Variants in MOK observed in about 807,000 individuals in gnomAD.
MOK encodes MAPK/MAK/MRK overlapping kinase.
In MOK, 59 loss-of-function variants were observed where a neutral mutation model predicts 54.2. The ratio of observed to expected loss-of-function variants is 1.09; its 90% CI spans 0.88 to 1.35. The LOEUF (loss-of-function observed/expected upper bound fraction) is 1.35. Among genes scored for constraint, MOK ranks in the 40% most tolerant of loss-of-function variants. MOK has a pLI of 0.00. For missense variants in MOK, 517 were observed against 526.2 expected (o/e 0.98, Z 0.17); for synonymous variants, 210 against 202.7 (o/e 1.04, Z -0.31).
At chr14:102,216,807 G>A in the MOK span, among the ~76,000 whole-genome samples, 1 of 152,154 alleles carries the variant, frequency 6.6e-6, no homozygotes, top group Non-Finnish European at 1.5e-5. Context: ...GCGGGCGCCT[G>A]TAGTCCCAGC....
intron 1 of MOK, among the ~76,000 whole-genome samples, chr14:102,300,776 T>C (rs1205491603): frequency 6.6e-6 from 1 of 152,208 alleles, no homozygotes; most frequent in African/African-American, 2.4e-5. Context: ...AACAATGCTA[T>C]GTGATTGGTA....
At position 102,232,769 on chromosome 14, in the gene MOK, ACT is replaced by A; in HGVS notation, c.693-63_693-62del. 1 of 1,458,338 alleles carries A rather than the reference ACT, an allele frequency of 6.9e-7. No individual in the cohort carries two copies. Among genetic ancestry groups the A allele is most frequent in the Non-Finnish European group, 9.5e-7 (1 of 1,056,402 alleles). 90.3% of individuals were successfully genotyped at this position (1,458,338 alleles called of 1,614,324 possible). A position where few individuals can be genotyped will look rare whatever the true frequency, so the allele number is the denominator to read the frequency against. Reference sequence around the variant, plus strand: ...CTGTCACTGAGCGCACCGGTGGTCCACTGTCACAACTAAGGGCCCTGTGTGGT... The same window carrying A: ...CTGTCACTGAGCGCACCGGTGGTCCAGTCACAACTAAGGGCCCTGTGTGGT... On this transcript the variant is annotated intron_variant, in intron 8 of 11. Coordinates refer to ENST00000361847, the MANE Select transcript of MOK (RefSeq NM_014226.3). This position sits in a 1 kb window ranked among gnomAD's most constrained non-coding sequence, Gnocchi z 5.1.
At position 102,232,738 on chromosome 14, in the gene MOK, G is replaced by A. The variant is rs758527978; in HGVS notation, c.693-30C>T. On this transcript the variant is annotated intron_variant, in intron 8 of 11. Transcript: ENST00000361847. The surrounding 1 kb of genome is among the most constrained non-coding windows in gnomAD (Gnocchi z 5.1). ...ATTAAAAACCCAATGATAATAAATGGTCATGCTGTCACTGAGCGCACCGGT... is the reference window on the plus strand; with the variant it reads ...ATTAAAAACCCAATGATAATAAATGATCATGCTGTCACTGAGCGCACCGGT... 20 of 1,591,400 alleles carry A rather than the reference G, an allele frequency of 1.3e-5. No homozygotes were observed. The highest frequency in any genetic ancestry group is 1.7e-5 in the Admixed American group (1 of 59,260).
At chr14:102,250,664 C>G in intron 7 of MOK, 148 bp downstream of exon 7, 1 of 823,828 alleles carries the variant, frequency 1.2e-6, no homozygotes, top group Admixed American at 3.0e-5. Context: ...AAATGAAAGC[C>G]TAGTCAATTT....
At position 102,274,117 on chromosome 14, in the gene MOK, C is replaced by T. The variant is rs866646677; in HGVS notation, c.123-8205G>A. Among the ~76,000 whole-genome samples the T allele has an allele frequency of 9.2e-5, 14 of 151,932 alleles. No homozygotes were observed. In the Middle Eastern group the frequency reaches 0.01, roughly 111 times the overall value. Reference sequence around the variant, plus strand: ...GGACTATAGGCGCCTGCCACCACACCCGGCTAATTTTCTGTATTTTTAGTA... The same window carrying T: ...GGACTATAGGCGCCTGCCACCACACTCGGCTAATTTTCTGTATTTTTAGTA... On this transcript the variant is annotated intron_variant, in intron 2 of 11. Transcript: ENST00000361847.
chr14:102,250,341 T>C (rs2066427849), intron 7 of MOK, among the ~76,000 whole-genome samples: 1 of 152,122 alleles, frequency 6.6e-6, no homozygotes, highest in Non-Finnish European at 1.5e-5. Context: ...CCACTGCTCC[T>C]TGCCAAAGGC....
chr14:102,218,482 C>T, the MOK span, among the ~76,000 whole-genome samples: 1 of 152,366 alleles, frequency 6.6e-6, no homozygotes, highest in Admixed American at 6.5e-5. Context: ...TCAGAATCTC[C>T]AGTCCGAGCA....
At chr14:102,285,689 C>T (rs1231280786) in intron 1 of MOK, among the ~76,000 whole-genome samples, 1 of 151,790 alleles carries the variant, frequency 6.6e-6, no homozygotes, top group Non-Finnish European at 1.5e-5. Context: ...GCCAGGAGTT[C>T]GAGACCAGTC....
At chr14:102,286,140 A>T (rs2070041914) in intron 1 of MOK, among the ~76,000 whole-genome samples, 1 of 150,972 alleles carries the variant, frequency 6.6e-6, no homozygotes, top group African/African-American at 2.4e-5. Flanking sequence ...TCTACTAAAA[A>T]TACAAAAAAT....
chr14:102,222,795 T>C (rs1597190608), downstream of MOK: 1 of 1,613,846 alleles, frequency 6.2e-7, no homozygotes, highest in East Asian at 2.2e-5. The surrounding 1 kb of genome is among the most constrained non-coding windows in gnomAD (Gnocchi z 4.4). Flanking sequence ...CCGTCCGGTG[T>C]TTTGCTGGAT....
At chr14:102,218,920 T>C in the MOK span, among the ~76,000 whole-genome samples, 1,582 of 152,332 alleles carry the variant, frequency 0.01, 27 homozygotes, top group African/African-American at 0.036. Context: ...GGGCTCCCCT[T>C]GCCAGGTCCT....
At chr14:102,265,284 G>T (rs574963561) in intron 3 of MOK, among the ~76,000 whole-genome samples, 1 of 152,060 alleles carries the variant, frequency 6.6e-6, no homozygotes, top group Non-Finnish European at 1.5e-5. Context: ...TTTGCATGAC[G>T]GATGCTTTTA....
intron 1 of MOK, among the ~76,000 whole-genome samples, chr14:102,294,596 C>G (rs555596975): frequency 4.0e-5 from 6 of 151,528 alleles, no homozygotes; most frequent in African/African-American, 1.5e-4. Context: ...GCCTGAGTGA[C>G]AGACAGCGAG....
chr14:102,279,045 T>C (rs781029205), intron 2 of MOK, among the ~76,000 whole-genome samples: 9 of 152,114 alleles, frequency 5.9e-5, no homozygotes, highest in South Asian at 2.1e-4. Context: ...ACGGAGAAAT[T>C]AGGGAATTGT....
intron 1 of MOK, among the ~76,000 whole-genome samples, chr14:102,290,459 C>A (rs1381168096): frequency 6.6e-6 from 1 of 151,420 alleles, no homozygotes; most frequent in Non-Finnish European, 1.5e-5. Context: ...AAGAGAGAAA[C>A]AAACAAACAA....
intron 2 of MOK, chr14:102,283,275 A>G: frequency 7.2e-6 from 3 of 415,290 alleles, no homozygotes; most frequent in Non-Finnish European, 8.5e-6. Context: ...GTGGTCATTC[A>G]TCACTGATAT....
intron 4 of MOK, among the ~76,000 whole-genome samples, chr14:102,257,673 C>G (rs1322926351): frequency 6.6e-6 from 1 of 152,176 alleles, no homozygotes; most frequent in South Asian, 2.1e-4. Flanking sequence ...GAGGAGATGA[C>G]ATAAATTAAG....
chr14:102,296,786 A>G (rs192276926), intron 1 of MOK, among the ~76,000 whole-genome samples: 9 of 152,214 alleles, frequency 5.9e-5, no homozygotes, highest in Non-Finnish European at 1.0e-4. Flanking sequence ...TAAGTAAAAT[A>G]AAATGGCTCA....
At chr14:102,241,467 A>G (rs1158650084) in intron 7 of MOK, among the ~76,000 whole-genome samples, 1 of 152,168 alleles carries the variant, frequency 6.6e-6, no homozygotes, top group Non-Finnish European at 1.5e-5. Context: ...GCCAAGGTTA[A>G]TGCTCCTTTT....
Sources: allele counts gnomAD v4.1 joint callset (sites outside exome capture counted in the v4.1 genomes callset), GRCh38; gene constraint gnomAD v4.1.1; non-coding constraint Gnocchi (gnomAD v3.1); transcripts MANE v1.5; gene names NCBI Gene and HGNC (gene_info 2026-07-23, HGNC 2026-07-21).